Variants in TOMM20 observed in about 807,000 individuals in gnomAD.
The protein encoded by TOMM20 is translocase of outer mitochondrial membrane 20, also known as mitochondrial import receptor subunit TOM20 homolog.
A neutral mutation model predicts 22.1 loss-of-function variants in TOMM20; 10 were observed. That is an observed-to-expected ratio of 0.45 (90% CI 0.28 to 0.77). The LOEUF (loss-of-function observed/expected upper bound fraction) is 0.77, where lower values mean the gene tolerates loss of function less well. TOMM20 is among the 30% of genes least tolerant of loss of function. The pLI is 0.13. For synonymous variants in TOMM20, 55 were observed against 61.4 expected, an observed-to-expected ratio of 0.90 and a Z score of 0.49; for missense variants, 121 against 172.2, an observed-to-expected ratio of 0.70 and a Z score of 1.66.
intron 2 of TOMM20, among the ~76,000 whole-genome samples, chr1:235,121,676 A>G (rs975989580): frequency 6.6e-5 from 10 of 152,376 alleles, no homozygotes; most frequent in African/African-American, 1.9e-4. Flanking sequence ...CCCAAACAAT[A>G]GAACTCATCT....
intron 1 of TOMM20, chr1:235,127,813 G>T (rs1383400559): frequency 5.8e-6 from 3 of 517,994 alleles, no homozygotes; most frequent in South Asian, 4.2e-5. Flanking sequence ...AGATGTCGCA[G>T]GTATGAAATA....
At chr1:235,126,465 T>C (rs1661024462) in intron 1 of TOMM20, among the ~76,000 whole-genome samples, 1 of 152,094 alleles carries the variant, frequency 6.6e-6, no homozygotes, top group Non-Finnish European at 1.5e-5. Context: ...AAGATTATTC[T>C]AAATAAATTT....
intron 2 of TOMM20, among the ~76,000 whole-genome samples, chr1:235,120,780 T>C (rs560739324): frequency 2.8e-4 from 42 of 147,556 alleles, no homozygotes; most frequent in African/African-American, 8.5e-4. Context: ...TAAGGCAGGA[T>C]TGCTTGAACC....
Position 235,126,124 on chromosome 1 carries a change from G to GAC in TOMM20, c.121+2469_121+2470dup, listed in dbSNP as rs145614680. On this transcript the variant is annotated intron_variant, in intron 1 of 4. Coordinates refer to ENST00000366607, the MANE Select transcript of TOMM20 (RefSeq NM_014765.3). ...AGATATAGATATAAATATATATAAA[G>GAC]ACACACACACACACACACGTATATT... Among the ~76,000 whole-genome samples, 1,315 of 148,908 alleles carry GAC rather than the reference G, an allele frequency of 8.8e-3. 9 individuals carry two copies. The highest frequency in any genetic ancestry group is 0.015 in the South Asian group (72 of 4,678).
At chr1:235,116,998 G>A (rs916707236) in intron 3 of TOMM20, among the ~76,000 whole-genome samples, 20 of 151,582 alleles carry the variant, frequency 1.3e-4, no homozygotes, top group African/African-American at 3.2e-4. Flanking sequence ...AGCCGGGCGT[G>A]GTGGTGGGCG....
At chr1:235,124,549 C>A (rs1660980708) in intron 1 of TOMM20, among the ~76,000 whole-genome samples, 1 of 152,290 alleles carries the variant, frequency 6.6e-6, no homozygotes, top group East Asian at 1.9e-4. Context: ...AAAGGCACCT[C>A]AGAAATGAAC....
At chr1:235,114,187 C>T (rs1660788803) in intron 3 of TOMM20, among the ~76,000 whole-genome samples, 1 of 152,074 alleles carries the variant, frequency 6.6e-6, no homozygotes, top group Non-Finnish European at 1.5e-5. Flanking sequence ...TGGAATATTT[C>T]TGAAAGACTA....
chr1:235,127,093 A>G (rs1431477533), intron 1 of TOMM20, among the ~76,000 whole-genome samples: 2 of 152,232 alleles, frequency 1.3e-5, no homozygotes, highest in Non-Finnish European at 2.9e-5. Context: ...TTTCCAACGG[A>G]AGATAGGGTT....
At chr1:235,121,098 C>T (rs1367880484) in intron 2 of TOMM20, among the ~76,000 whole-genome samples, 2 of 151,546 alleles carry the variant, frequency 1.3e-5, no homozygotes, top group African/African-American at 2.4e-5. Context: ...GCTCGGGAGG[C>T]TGAGGCAGGA....
At chr1:235,127,079 A>T (rs1661037045) in intron 1 of TOMM20, among the ~76,000 whole-genome samples, 2 of 152,240 alleles carry the variant, frequency 1.3e-5, no homozygotes, top group African/African-American at 4.8e-5. Flanking sequence ...ACAGGACTTC[A>T]GGGTTTCCAA....
At chr1:235,113,958 T>C (rs1216374073) in intron 3 of TOMM20, 48 bp from the exon 4 acceptor site, 1 of 1,515,160 alleles carries the variant, frequency 6.6e-7, no homozygotes, top group South Asian at 1.3e-5. Flanking sequence ...GCCTTGGCCT[T>C]TGTCAAAATT....
At chr1:235,122,505 G>C (rs1311251826) in intron 1 of TOMM20, 133 bp from the exon 2 acceptor site, 2 of 763,724 alleles carry the variant, frequency 2.6e-6, no homozygotes, top group African/African-American at 3.6e-5. Context: ...CCCTCCCTGT[G>C]ATCTGTCAAG....
chr1:235,116,979 C>T (rs1283503000), intron 3 of TOMM20, among the ~76,000 whole-genome samples: 3 of 148,886 alleles, frequency 2.0e-5, no homozygotes, highest in African/African-American at 5.0e-5. Context: ...ACTAAAAATA[C>T]AAAAAACTAG....
At chr1:235,118,330 A>G (rs1660869926) in intron 3 of TOMM20, among the ~76,000 whole-genome samples, 1 of 152,216 alleles carries the variant, frequency 6.6e-6, no homozygotes, top group South Asian at 2.1e-4. Context: ...GATCAAACCC[A>G]GTGTTATGCG....
chr1:235,116,711 AAAAAC>A (rs1199837885), intron 3 of TOMM20, among the ~76,000 whole-genome samples: 11 of 152,194 alleles, frequency 7.2e-5, no homozygotes, highest in African/African-American at 2.2e-4. Flanking sequence ...ATGCCATCTC[AAAAAC>A]AAAACAAAAC....
At chr1:235,123,846 G>C (rs2102812636) in intron 1 of TOMM20, among the ~76,000 whole-genome samples, 1 of 152,302 alleles carries the variant, frequency 6.6e-6, no homozygotes. Context: ...AGTGATAACA[G>C]ACAACAATAT....
intron 3 of TOMM20, among the ~76,000 whole-genome samples, chr1:235,116,955 G>A (rs1181015090): frequency 6.7e-6 from 1 of 150,322 alleles, no homozygotes; most frequent in Non-Finnish European, 1.5e-5. Flanking sequence ...CTAACATGGT[G>A]AAACCCCGTC....
At chr1:235,125,950 G>C in intron 1 of TOMM20, among the ~76,000 whole-genome samples, 1 of 151,204 alleles carries the variant, frequency 6.6e-6, no homozygotes, top group East Asian at 2.0e-4. Context: ...TAGAGACGGG[G>C]TTTCACCATG....
chr1:235,126,761 C>T (rs1353958248), intron 1 of TOMM20, among the ~76,000 whole-genome samples: 1 of 152,166 alleles, frequency 6.6e-6, no homozygotes, highest in African/African-American at 2.4e-5. Flanking sequence ...GATCACCCCA[C>T]TGCACTCGAG....
Sources: gnomAD v4.1 joint callset for allele counts (sites outside exome capture counted in the v4.1 genomes callset) on GRCh38, gnomAD v4.1.1 for gene constraint, MANE v1.5 for transcripts, NCBI Gene and HGNC (gene_info 2026-07-23, HGNC 2026-07-21) for gene names.